Variants in COL20A1 observed in about 807,000 individuals in gnomAD.
The protein encoded by COL20A1 is collagen alpha-1(XX) chain.
In COL20A1, 164 loss-of-function variants were observed where a neutral mutation model predicts 152.9. The ratio of observed to expected loss-of-function variants is 1.07; its 90% CI spans 0.94 to 1.22. The LOEUF is 1.22. Ranked by LOEUF, COL20A1 falls within the 50% of genes most tolerant of loss-of-function variation. COL20A1 has a pLI of 0.00. For synonymous variants in COL20A1, 864 were observed against 756.0 expected, an observed-to-expected ratio of 1.14 and a Z score of -2.34; for missense variants, 1,873 against 1,744.8, an observed-to-expected ratio of 1.07 and a Z score of -1.31.
chr20:63,315,489 T>A, intron 20 of COL20A1, 50 bp downstream of exon 20: 1 of 1,503,006 alleles, frequency 6.7e-7, no homozygotes, highest in Non-Finnish European at 8.9e-7. Flanking sequence ...TCTCTCGGGC[T>A]CTTCCTGGGC....
intron 30 of COL20A1, among the ~76,000 whole-genome samples, chr20:63,326,527 C>CGTGG (rs111768845): frequency 0.043 from 6,499 of 152,216 alleles, 480 homozygotes; most frequent in African/African-American, 0.15. Context: ...TTTAGAGCAG[C>CGTGG]GTGCTGACAG....
intron 21 of COL20A1, among the ~76,000 whole-genome samples, chr20:63,317,329 G>T (rs778378010): frequency 6.6e-6 from 1 of 151,986 alleles, no homozygotes; most frequent in African/African-American, 2.4e-5. Flanking sequence ...AGCTGGGTGC[G>T]GTGGCAGGCA....
rs2068332717 is a variant in COL20A1 at position 63,331,412 on chromosome 20, T to C, written c.*696T>C. Reference sequence around the variant, plus strand: ...CCACCCAGCCCTGTGCTGAGTTCCTTGTGCAGGGACATTGCTTTGAGACTT... The same window carrying C: ...CCACCCAGCCCTGTGCTGAGTTCCTCGTGCAGGGACATTGCTTTGAGACTT... On this transcript the variant is annotated 3_prime_UTR_variant, in exon 36 of 36. Coordinates refer to ENST00000358894, the MANE Select transcript of COL20A1 (RefSeq NM_020882.4). 6.6e-6 allele frequency: 1 copy of C among 152,394 alleles called. No individual in the cohort carries two copies. The highest frequency in any genetic ancestry group is 2.4e-5 in the African/African-American group (1 of 41,472). 9.4% of individuals were successfully genotyped at this position (152,394 alleles called of 1,614,324 possible). A position where few individuals can be genotyped will look rare whatever the true frequency, so the allele number is the denominator to read the frequency against.
intron 3 of COL20A1, among the ~76,000 whole-genome samples, chr20:63,301,158 T>C (rs1299658403): frequency 6.6e-6 from 1 of 152,070 alleles, no homozygotes; most frequent in Non-Finnish European, 1.5e-5. Flanking sequence ...CTACTAAACA[T>C]ACAAAAATTA....
intron 6 of COL20A1, 50 bp from the exon 7 acceptor site, chr20:63,307,921 G>A (rs1244752241): frequency 6.2e-7 from 1 of 1,601,200 alleles, no homozygotes; most frequent in African/African-American, 1.3e-5. Context: ...AAGCTCCCTG[G>A]GCATCTCAGC....
intron 7 of COL20A1, 42 bp from the exon 8 acceptor site, chr20:63,308,500 A>C (rs1252462448): frequency 2.7e-6 from 4 of 1,502,986 alleles, no homozygotes; most frequent in Non-Finnish European, 3.6e-6. Context: ...CCAGGAGGGG[A>C]TGCTGGCAGC....
chr20:63,323,361 A>G (rs2068195961), intron 27 of COL20A1, among the ~76,000 whole-genome samples: 1 of 152,226 alleles, frequency 6.6e-6, no homozygotes. Context: ...ACTTTTACGT[A>G]GTCCATGTTA....
intron 34 of COL20A1, 104 bp from the exon 35 acceptor site, chr20:63,329,481 C>A: frequency 1.2e-6 from 1 of 849,854 alleles, no homozygotes; most frequent in Non-Finnish European, 1.9e-6. Flanking sequence ...ACCAGACCTG[C>A]TGCCTGTGCC....
At chr20:63,330,399 C>G (rs141124172) in intron 35 of COL20A1, among the ~76,000 whole-genome samples, 2,176 of 152,218 alleles carry the variant, frequency 0.014, 35 homozygotes, top group Middle Eastern at 0.037. Flanking sequence ...GCAGGAGACC[C>G]AGGGGCTCCT....
At chr20:63,320,430 C>T in intron 25 of COL20A1, 62 bp downstream of exon 25, 1 of 1,518,292 alleles carries the variant, frequency 6.6e-7, no homozygotes, top group Non-Finnish European at 9.1e-7. Context: ...CACTGAGGGT[C>T]ACAGTGCCTG....
At chr20:63,327,254 A>G (rs539725966) in intron 31 of COL20A1, 75 of 190,494 alleles carry the variant, frequency 3.9e-4, no homozygotes, top group Non-Finnish European at 6.2e-4. Flanking sequence ...GGGACTTCCT[A>G]TTGACCACCC....
intron 10 of COL20A1, 87 bp downstream of exon 10, chr20:63,310,002 C>A: frequency 8.1e-7 from 1 of 1,237,524 alleles, no homozygotes; most frequent in Non-Finnish European, 1.1e-6. Flanking sequence ...GGAATAAAGG[C>A]CCACAAATAA....
intron 30 of COL20A1, among the ~76,000 whole-genome samples, chr20:63,326,416 C>T (rs559464844): frequency 3.3e-5 from 5 of 152,296 alleles, no homozygotes; most frequent in Admixed American, 1.3e-4. Flanking sequence ...GCATCGGCCT[C>T]GGGCTGAGTG....
In COL20A1 at chr20:63,319,943, G is replaced by C; in HGVS notation, c.2917-96G>C. On this transcript the variant is annotated intron_variant, in intron 23 of 35. Transcript: ENST00000358894. The surrounding 1 kb of genome is among the most constrained non-coding windows in gnomAD (Gnocchi z 4.4). Reference sequence around the variant, plus strand: ...CAGGTTCCTGACCCCAGGTCCCAGGGATGGGTGTTACTCCCCAGCCCTGGC... The same window carrying C: ...CAGGTTCCTGACCCCAGGTCCCAGGCATGGGTGTTACTCCCCAGCCCTGGC... The C allele has an allele frequency of 3.2e-6, 4 of 1,233,072 alleles. No individual in the cohort carries two copies. The highest frequency in any genetic ancestry group is 1.1e-6 in the Non-Finnish European group (1 of 900,584). The allele number at this position is 1,233,072 out of a possible 1,614,324, so 76.4% of individuals were successfully genotyped here. A position where few individuals can be genotyped will look rare whatever the true frequency, so the allele number is the denominator to read the frequency against.
rs766845299 is a variant in COL20A1, at chr20:63,309,738, C to G, written c.1106-20C>G. On this transcript the variant is annotated intron_variant, in intron 9 of 35. Coordinates refer to ENST00000358894, the MANE Select transcript of COL20A1 (RefSeq NM_020882.4). ...GCCCGTGCAGTGACCACCTGCCCCC[C>G]ACTCCCGCTACTCCAGCAGCAGCGG... 144 of 1,539,152 alleles carry G rather than the reference C, an allele frequency of 9.4e-5. 1 individual carries two copies. In the East Asian group the frequency reaches 3.3e-3, roughly 35 times the overall value.
At position 63,319,210 on chromosome 20, in the gene COL20A1, G is replaced by A. The variant is rs1420209433; in HGVS notation, c.2806+10G>A. On this transcript the variant is annotated intron_variant, in intron 22 of 35. Coordinates refer to ENST00000358894, the MANE Select transcript of COL20A1 (RefSeq NM_020882.4). The surrounding 1 kb of genome is among the most constrained non-coding windows in gnomAD (Gnocchi z 4.4). ...GGGGTTCTGCTGGATGGTGACGTGGGCCCCGCGTCGCCCCCAGCAGTCAGG... is the reference window on the plus strand; with the variant it reads ...GGGGTTCTGCTGGATGGTGACGTGGACCCCGCGTCGCCCCCAGCAGTCAGG... The A allele has an allele frequency of 6.2e-7, 1 of 1,609,360 alleles. No individual in the cohort carries two copies. The highest frequency in any genetic ancestry group is 1.1e-5 in the South Asian group (1 of 90,542).
In COL20A1 at chr20:63,316,604, T is replaced by G. The variant is rs560991261; in HGVS notation, c.2576T>G (p.Ile859Ser). The G allele has an allele frequency of 1.3e-4, 211 of 1,585,500 alleles. 2 individuals carry two copies. The South Asian group carries it at 2.3e-3, about 17-fold the overall frequency. ...FSLVEKAYASIRGVAMEPSAF... is the reference protein window; with the variant it reads ...FSLVEKAYASSRGVAMEPSAF... ...CTGGTGGAAAAGGCTTATGCGTCCA[T>G]CCGGGGCGTGGCCATGGAGCCCTCT... Residue 859 changes from isoleucine (I) to serine (S), a missense_variant, in exon 21 of 36, where the codon ATC becomes AGC. Transcript: ENST00000358894.
At chr20:63,294,776 C>A (rs1366404806) in intron 1 of COL20A1, among the ~76,000 whole-genome samples, 1 of 152,234 alleles carries the variant, frequency 6.6e-6, no homozygotes, top group Non-Finnish European at 1.5e-5. Context: ...GTCCCAGCCA[C>A]CCCTGCACTG....
In COL20A1 at chr20:63,305,620, T is replaced by G; in HGVS notation, c.337+60T>G. On this transcript the variant is annotated intron_variant, in intron 4 of 35. Coordinates refer to ENST00000358894, the MANE Select transcript of COL20A1 (RefSeq NM_020882.4). This position sits in a 1 kb window ranked among gnomAD's most constrained non-coding sequence, Gnocchi z 4.9. ...CTCCAGGCCGGGTCCCACCCTCCTC[T>G]GGGCTGGGGTCCCACCCTCCTCCAG... 1 of 1,503,022 alleles carries G rather than the reference T, an allele frequency of 6.7e-7. No individual in the cohort carries two copies. Among genetic ancestry groups the G allele is most frequent in the Non-Finnish European group, 8.9e-7 (1 of 1,120,684 alleles). The allele number at this position is 1,503,022 out of a possible 1,614,324, so 93.1% of individuals were successfully genotyped here.
Sources: gnomAD v4.1 joint callset for allele counts (sites outside exome capture counted in the v4.1 genomes callset) on GRCh38, gnomAD v4.1.1 for gene constraint, Gnocchi (gnomAD v3.1) non-coding constraint, MANE v1.5 for transcripts, NCBI Gene and HGNC (gene_info 2026-07-23, HGNC 2026-07-21) for gene names.